L3MBTL1: variants seen among roughly 807,000 people sequenced by gnomAD.
L3MBTL1 encodes L3MBTL histone methyl-lysine binding protein 1.
L3MBTL1 carries 75 observed loss-of-function variants against 105.3 expected under a neutral mutation model. The ratio of observed to expected loss-of-function variants is 0.71; its 90% CI spans 0.59 to 0.86. The LOEUF (loss-of-function observed/expected upper bound fraction) is 0.86. L3MBTL1 is among the 40% of genes least tolerant of loss of function. The pLI is 0.00. For synonymous variants in L3MBTL1, 452 were observed against 436.2 expected (o/e 1.04, Z -0.45); for missense variants, 1,069 against 1,126.4 (o/e 0.95, Z 0.73).
chr20:43,537,887 G>A (rs1423183019), intron 19 of L3MBTL1, among the ~76,000 whole-genome samples: 2 of 152,132 alleles, frequency 1.3e-5, no homozygotes, highest in Non-Finnish European at 2.9e-5. Context: ...CCTTTTACAG[G>A]CTGAGAGATC....
chr20:43,523,741 G>T (rs2018862216), intron 7 of L3MBTL1, among the ~76,000 whole-genome samples: 1 of 151,970 alleles, frequency 6.6e-6, no homozygotes, highest in African/African-American at 2.4e-5. Context: ...TTTTTTTAAA[G>T]ATAGAAATAG....
chr20:43,516,817 C>T (rs560440122), intron 7 of L3MBTL1, among the ~76,000 whole-genome samples: 3 of 151,680 alleles, frequency 2.0e-5, no homozygotes, highest in Non-Finnish European at 2.9e-5. Context: ...GGAGGGTGAC[C>T]GGGTCTTGCT....
chr20:43,526,776 C>A (rs935628462), intron 7 of L3MBTL1, among the ~76,000 whole-genome samples: 10 of 152,144 alleles, frequency 6.6e-5, no homozygotes, highest in Admixed American at 3.9e-4. Flanking sequence ...CATGGTGAAA[C>A]CCCGTCTCTA....
chr20:43,513,549 C>A lies in L3MBTL1; in HGVS notation c.46C>A (p.Pro16Thr), dbSNP rs770916333. ...EMEMLRTLKG[P>T]STGEVSMHLV... Reference sequence around the variant, plus strand: ...GGAGATGCTGAGGACACTGAAGGGGCCTTCCACAGGGGAGGTCAGCATGCA... The same window carrying A: ...GGAGATGCTGAGGACACTGAAGGGGACTTCCACAGGGGAGGTCAGCATGCA... Residue 16 changes from proline to threonine, a missense_variant, in exon 2 of 22, where the codon CCT becomes ACT. By Grantham distance (38) the Pro-to-Thr change is conservative (BLOSUM62 -1). Coordinates refer to ENST00000418998, the MANE Select transcript of L3MBTL1 (RefSeq NM_001377303.1). The A allele has an allele frequency of 1.9e-6, 3 of 1,550,626 alleles. No homozygotes were observed. Among genetic ancestry groups the A allele is most frequent in the Non-Finnish European group, 2.6e-6 (3 of 1,147,018 alleles).
chr20:43,525,715 C>T (rs1169042543), intron 7 of L3MBTL1, among the ~76,000 whole-genome samples: 3 of 152,102 alleles, frequency 2.0e-5, no homozygotes, highest in African/African-American at 7.2e-5. Flanking sequence ...GTGGTCAGGC[C>T]TCTTTCCAGT....
intron 19 of L3MBTL1, chr20:43,539,945 AAG>A: frequency 1.5e-6 from 1 of 651,234 alleles, no homozygotes; most frequent in Non-Finnish European, 2.8e-6. Context: ...GAGAGTCTTT[AAG>A]AGAGTCACTT....
intron 7 of L3MBTL1, among the ~76,000 whole-genome samples, chr20:43,528,085 G>T (rs1034349010): frequency 6.6e-6 from 1 of 152,062 alleles, no homozygotes; most frequent in African/African-American, 2.4e-5. Context: ...TGGAGACGGG[G>T]TTTCACCATG....
chr20:43,533,527 G>A, intron 13 of L3MBTL1, 109 bp downstream of exon 13: 2 of 887,188 alleles, frequency 2.3e-6, no homozygotes, highest in Admixed American at 5.4e-5. Context: ...GGGTCAGGGT[G>A]AGAGAACAGA....
Position 43,516,143 on chromosome 20 carries a change from C to T in L3MBTL1, c.828C>T (p.Thr276=). 2 of 1,613,956 alleles carry T rather than the reference C, an allele frequency of 1.2e-6. No homozygotes were observed. The highest frequency in any genetic ancestry group is 1.7e-6 in the Non-Finnish European group (2 of 1,179,952). The part of the protein sequence containing the change: ...KDPEGQPTAS[T]PESEEWSSSQ... ...CAGAGGGACAACCCACTGCTAGCAC[C>T]CCAGAGAGTGAGGAGTGGAGCAGCA... Residue 276 remains threonine, a synonymous_variant, in exon 7 of 22, where the codon ACC becomes ACT. Coordinates refer to ENST00000418998, the MANE Select transcript of L3MBTL1 (RefSeq NM_001377303.1).
intron 3 of L3MBTL1, 179 bp from the exon 4 acceptor site, chr20:43,514,456 C>T (rs536790369): frequency 3.3e-6 from 5 of 1,497,410 alleles, no homozygotes; most frequent in South Asian, 2.6e-5. Flanking sequence ...TGCTTGGGGG[C>T]GTAGCCTGGA....
chr20:43,535,710 C>T (rs1219889407), intron 16 of L3MBTL1, 127 bp from the exon 17 acceptor site: 15 of 630,322 alleles, frequency 2.4e-5, no homozygotes, highest in Admixed American at 8.1e-5. Flanking sequence ...TCACAGCCAA[C>T]GCAGGGCCCT....
chr20:43,515,322 T>A lies in L3MBTL1; in HGVS notation c.684T>A (p.Ser228=). ...TCATAGTGGAGAACTCCTCAGGCTC[T>A]ACCAGCGCTTCTGAGCTCCTCAAAC... ...RSVIVENSSG[S]TSASELLKPM... is the part of the protein sequence containing the mutation. Residue 228 remains serine (S), a synonymous_variant, in exon 6 of 22, where the codon TCT becomes TCA. Coordinates refer to ENST00000418998, the MANE Select transcript of L3MBTL1 (RefSeq NM_001377303.1). 1 of 1,593,888 alleles carries A rather than the reference T, an allele frequency of 6.3e-7. No homozygotes were observed. Among genetic ancestry groups the A allele is most frequent in the East Asian group, 2.3e-5 (1 of 44,082 alleles).
intron 11 of L3MBTL1, 83 bp downstream of exon 11, chr20:43,530,972 A>G (rs774294819): frequency 1.3e-5 from 14 of 1,102,358 alleles, no homozygotes; most frequent in Non-Finnish European, 1.8e-5. Flanking sequence ...GACTCATCAG[A>G]AGGGAGCTCA....
rs553036686 is a variant in L3MBTL1 at position 43,548,199 on chromosome 20, A to G, written c.2213A>G (p.Tyr738Cys). ...AAGCTGGGCCCAGCCTTGAAGATCT[A>G]TAACGCCATTCTCATGTTCAAAAAC... is the stretch of plus-strand genomic sequence containing the variant. Residue 738 changes from tyrosine to cysteine, a missense_variant, in exon 19 of 19, where the codon TAT becomes TGT. Transcript: ENST00000422861. 33 of 1,304,532 alleles carry G rather than the reference A, an allele frequency of 2.5e-5. No individual in the cohort carries two copies. The East Asian group carries it at 6.7e-4, about 26-fold the overall frequency. The allele number at this position is 1,304,532 out of a possible 1,614,324, so 80.8% of individuals were successfully genotyped here.
In L3MBTL1 at chr20:43,533,609, C is replaced by T. The variant is rs187384564; in HGVS notation, c.1513+191C>T. ...TGATTTTAGGAGACTCCTGTCAAACCCTGACTCCACTGGGGTTTAGGGGAA... is the reference window on the plus strand; with the variant it reads ...TGATTTTAGGAGACTCCTGTCAAACTCTGACTCCACTGGGGTTTAGGGGAA... On this transcript the variant is annotated intron_variant, in intron 13 of 21. Transcript: ENST00000418998. 8.5e-5 allele frequency among the ~76,000 whole-genome samples: 13 copies of T among 152,286 alleles called. No homozygotes were observed. In the East Asian group the frequency reaches 1.9e-3, roughly 23 times the overall value.
rs143996433 is a variant in L3MBTL1, at chr20:43,538,939, G to A, written c.2174-1212G>A. On this transcript the variant is annotated intron_variant, in intron 19 of 21. Coordinates refer to ENST00000418998, the MANE Select transcript of L3MBTL1 (RefSeq NM_001377303.1). ...TGCTAGCTGTCATGAGAGATGCTGAGTGTGCCCCAGACGGGCCATGAGAGG... is the reference window on the plus strand; with the variant it reads ...TGCTAGCTGTCATGAGAGATGCTGAATGTGCCCCAGACGGGCCATGAGAGG... The A allele has an allele frequency of 5.2e-3, 788 of 152,662 alleles. 37 individuals carry two copies. The South Asian group carries it at 0.12, about 23-fold the overall frequency. 9.5% of individuals were successfully genotyped at this position (152,662 alleles called of 1,614,324 possible).
chr20:43,520,693 C>T (rs1000384666), intron 7 of L3MBTL1, among the ~76,000 whole-genome samples: 10 of 152,088 alleles, frequency 6.6e-5, no homozygotes, highest in Non-Finnish European at 1.3e-4. Flanking sequence ...TATATATTTT[C>T]TTTGGAGAAA....
downstream of L3MBTL1, among the ~76,000 whole-genome samples, chr20:43,546,227 G>A (rs1341865071): frequency 6.6e-6 from 1 of 152,214 alleles, no homozygotes; most frequent in African/African-American, 2.4e-5. Flanking sequence ...TTGGGGAAGG[G>A]TCTGTAGTGC....
intron 10 of L3MBTL1, 97 bp downstream of exon 10, chr20:43,530,516 G>A: frequency 1.1e-5 from 15 of 1,378,984 alleles, no homozygotes; most frequent in Non-Finnish European, 1.5e-5. Flanking sequence ...TTTGTTTTCT[G>A]ACCCTGTACC....
Sources: allele counts gnomAD v4.1 joint callset (sites outside exome capture counted in the v4.1 genomes callset), GRCh38; gene constraint gnomAD v4.1.1; transcripts MANE v1.5; gene names NCBI Gene and HGNC (gene_info 2026-07-23, HGNC 2026-07-21).